Variants in ZNF487 observed in about 807,000 individuals in gnomAD.
ZNF487 encodes KRAB domain only 1.
A neutral mutation model predicts 3.0 loss-of-function variants in ZNF487; 4 were observed. The ratio of observed to expected loss-of-function variants is 1.35; its 90% confidence interval spans 0.66 to 3.08. ZNF487 has a LOEUF of 3.08. Ranked by LOEUF, ZNF487 falls within the 30% of genes most tolerant of loss-of-function variation. The probability of loss-of-function intolerance (pLI) is 0.01; values close to 1 mark genes in which losing one functional copy is unlikely to be tolerated. For synonymous variants in ZNF487, 55 were observed against 34.6 expected, an observed-to-expected ratio of 1.59 and a Z score of -2.06; for missense variants, 146 against 98.7, an observed-to-expected ratio of 1.48 and a Z score of -2.03.
At chr10:43,505,652 A>G in the ZNF487 span, among the ~76,000 whole-genome samples, 2 of 148,622 alleles carry the variant, frequency 1.3e-5, no homozygotes, top group African/African-American at 5.0e-5. Flanking sequence ...TGTTTTATTC[A>G]TTTTCTTTGA....
At chr10:43,515,808 C>T in the ZNF487 span, among the ~76,000 whole-genome samples, 2 of 152,070 alleles carry the variant, frequency 1.3e-5, no homozygotes, top group Non-Finnish European at 2.9e-5. Context: ...CGGAGTCTCG[C>T]TCGGCCGCCA....
intron 1 of ZNF487, among the ~76,000 whole-genome samples, chr10:43,472,232 C>T (rs1312917813): frequency 6.6e-6 from 1 of 152,172 alleles, no homozygotes; most frequent in Non-Finnish European, 1.5e-5. Context: ...CACTCTGCAT[C>T]TCTGCTTGAG....
At chr10:43,445,561 G>C (rs2132042098) in intron 1 of ZNF487, among the ~76,000 whole-genome samples, 1 of 151,244 alleles carries the variant, frequency 6.6e-6, no homozygotes, top group Admixed American at 6.6e-5. Context: ...GTTCATTCTG[G>C]GGCAAATTAT....
the ZNF487 span, among the ~76,000 whole-genome samples, chr10:43,496,942 A>G: frequency 6.6e-6 from 1 of 152,238 alleles, no homozygotes; most frequent in Non-Finnish European, 1.5e-5. Context: ...CCACTGTAAA[A>G]GTGGCCTAGA....
chr10:43,486,790 C>G (rs1841475319), downstream of ZNF487, among the ~76,000 whole-genome samples: 1 of 152,102 alleles, frequency 6.6e-6, no homozygotes, highest in Admixed American at 6.6e-5. Context: ...AGGCAAGAAA[C>G]CTCTTTCAGC....
intron 1 of ZNF487, among the ~76,000 whole-genome samples, chr10:43,466,797 A>T (rs902913336): frequency 6.6e-6 from 1 of 152,232 alleles, no homozygotes; most frequent in Non-Finnish European, 1.5e-5. Context: ...TAGTCACATA[A>T]GAGCTATGAG....
intron 1 of ZNF487, among the ~76,000 whole-genome samples, chr10:43,447,944 G>T (rs1839869810): frequency 6.6e-6 from 1 of 151,410 alleles, no homozygotes; most frequent in African/African-American, 2.4e-5. Context: ...TATCTCTTAG[G>T]GATTACTCTC....
intron 1 of ZNF487, chr10:43,454,219 A>C (rs1326475079): frequency 6.6e-6 from 1 of 152,062 alleles, no homozygotes; most frequent in Non-Finnish European, 1.5e-5. Context: ...CGCCCGGCTC[A>C]TTTTTGTGTT....
chr10:43,458,134 C>T (rs953914436), intron 1 of ZNF487: 1 of 152,164 alleles, frequency 6.6e-6, no homozygotes, highest in African/African-American at 2.4e-5. Flanking sequence ...CCCAAAATAT[C>T]TGAGATAGGC....
rs1339444905 is a variant in ZNF487 at position 43,475,617 on chromosome 10, T to C, written c.-93-104T>C. ...AGTAGGCATCCTATGTAGCATTTTC[T>C]CTTCAACTATCAACAGTGAACATGA... On this transcript the variant is annotated intron_variant, in intron 1 of 3. Transcript: ENST00000437590. 4 of 702,322 alleles carry C rather than the reference T, an allele frequency of 5.7e-6. No individual in the cohort carries two copies. In the East Asian group the frequency reaches 1.1e-4, roughly 19 times the overall value. 43.5% of individuals were successfully genotyped at this position (702,322 alleles called of 1,614,324 possible). A position where few individuals can be genotyped will look rare whatever the true frequency, so the allele number is the denominator to read the frequency against.
rs757163632 is a variant in ZNF487 at position 43,482,602 on chromosome 10, C to G, written c.*680C>G. ...TATGGATGTAATGAATGTCAGAAAG[C>G]CTTTGGTGATAGGTCAGCTCTAAAA... On this transcript the variant is annotated 3_prime_UTR_variant, in exon 4 of 4. Transcript: ENST00000437590. 1 of 503,296 alleles carries G rather than the reference C, an allele frequency of 2.0e-6. No homozygotes were observed. Among genetic ancestry groups the G allele is most frequent in the Non-Finnish European group, 4.1e-6 (1 of 246,632 alleles). The allele number at this position is 503,296 out of a possible 1,614,324, so 31.2% of individuals were successfully genotyped here.
chr10:43,496,035 A>G, the ZNF487 span: 1 of 534,056 alleles, frequency 1.9e-6, no homozygotes, highest in Non-Finnish European at 3.8e-6. Flanking sequence ...TCGCTCAAGG[A>G]CGTGACTGTG....
At chr10:43,451,715 G>A (rs1416357097) in intron 1 of ZNF487, among the ~76,000 whole-genome samples, 1 of 151,630 alleles carries the variant, frequency 6.6e-6, no homozygotes, top group Non-Finnish European at 1.5e-5. Context: ...ACAGGCATGG[G>A]CCACCACGCC....
chr10:43,483,847 T>G (rs1282915573), downstream of ZNF487, among the ~76,000 whole-genome samples: 1 of 151,654 alleles, frequency 6.6e-6, no homozygotes, highest in African/African-American at 2.4e-5. Context: ...TATTTTATTT[T>G]ATTTTTATTT....
the ZNF487 span, among the ~76,000 whole-genome samples, chr10:43,500,772 G>A: frequency 6.6e-6 from 1 of 152,012 alleles, no homozygotes; most frequent in Non-Finnish European, 1.5e-5. Flanking sequence ...GACTCCCAAA[G>A]TGTTGGAAAT....
Position 43,459,109 on chromosome 10 carries a change from A to G in ZNF487, c.-93-16612A>G, listed in dbSNP as rs1409419573. 1.3e-5 allele frequency among the ~76,000 whole-genome samples: 2 copies of G among 152,038 alleles called. 1 individual carries two copies. Among genetic ancestry groups the G allele is most frequent in the African/African-American group, 4.8e-5 (2 of 41,402 alleles). On this transcript the variant is annotated intron_variant, in intron 1 of 3. Transcript: ENST00000437590. ...TTTAATCTCCCTAAAATGTCTTCTC[A>G]GTTGGTTTCTGATCTAGTCCTTCCT...
the ZNF487 span, among the ~76,000 whole-genome samples, chr10:43,513,656 A>G: frequency 6.6e-6 from 1 of 152,142 alleles, no homozygotes; most frequent in African/African-American, 2.4e-5. Context: ...AATAGCCCTT[A>G]TCCTACCAGT....
intron 1 of ZNF487, among the ~76,000 whole-genome samples, chr10:43,466,680 C>T (rs1218063186): frequency 2.6e-5 from 4 of 152,226 alleles, no homozygotes; most frequent in Middle Eastern, 3.4e-3. Context: ...GGATTACAGG[C>T]GTGAGCCACC....
At chr10:43,504,611 C>T in the ZNF487 span, among the ~76,000 whole-genome samples, 1 of 151,142 alleles carries the variant, frequency 6.6e-6, no homozygotes, top group Admixed American at 6.6e-5. Context: ...TTCTTATGTA[C>T]CATTTTGAAT....
Sources: allele counts gnomAD v4.1 joint callset (sites outside exome capture counted in the v4.1 genomes callset), GRCh38; gene constraint gnomAD v4.1.1; transcripts MANE v1.5; gene names NCBI Gene and HGNC (gene_info 2026-07-23, HGNC 2026-07-21).